The following SGCZ variants were observed in gnomAD, a reference collection of about 807,000 sequenced individuals.
SGCZ encodes sarcoglycan zeta.
A neutral mutation model predicts 41.3 loss-of-function variants in SGCZ; 40 were observed. The ratio of observed to expected loss-of-function variants is 0.97; its 90% CI spans 0.75 to 1.26. The LOEUF is 1.26. Among genes scored for constraint, SGCZ ranks in the 50% most tolerant of loss-of-function variants. The pLI, the probability that SGCZ is intolerant of heterozygous loss-of-function variation, is 0.00. For missense variants in SGCZ, 552 were observed against 369.8 expected (o/e 1.49, Z -4.04); for synonymous variants, 206 against 137.5 (o/e 1.50, Z -3.49).
At chr8:14,319,705 C>A (rs1003562032) in intron 3 of SGCZ, among the ~76,000 whole-genome samples, 4 of 151,930 alleles carry the variant, frequency 2.6e-5, no homozygotes, top group African/African-American at 7.2e-5. Context: ...GTTAAATTTG[C>A]AGAACTGAAT....
At chr8:14,714,982 C>T (rs761016206) in intron 1 of SGCZ, among the ~76,000 whole-genome samples, 2 of 152,002 alleles carry the variant, frequency 1.3e-5, no homozygotes, top group Non-Finnish European at 2.9e-5. Flanking sequence ...TTTTCAAATG[C>T]AGTGGTTTAG....
intron 1 of SGCZ, among the ~76,000 whole-genome samples, chr8:14,873,743 C>G (rs1055055545): frequency 6.6e-6 from 1 of 152,002 alleles, no homozygotes; most frequent in African/African-American, 2.4e-5. Flanking sequence ...TTTGGTTGAC[C>G]TATATTTGGA....
chr8:14,938,457 G>A (rs1250689666), intron 1 of SGCZ, among the ~76,000 whole-genome samples: 1 of 152,042 alleles, frequency 6.6e-6, no homozygotes, highest in African/African-American at 2.4e-5. Context: ...TCCACTCAAT[G>A]AATAGTAAAT....
intron 5 of SGCZ, among the ~76,000 whole-genome samples, chr8:14,145,225 C>A (rs1803485143): frequency 6.6e-6 from 1 of 152,080 alleles, no homozygotes; most frequent in Admixed American, 6.5e-5. Flanking sequence ...AGCTTCAGGA[C>A]AGAGAGAATC....
chr8:14,722,761 G>C (rs193125106), intron 1 of SGCZ, among the ~76,000 whole-genome samples: 113 of 152,208 alleles, frequency 7.4e-4, no homozygotes, highest in Admixed American at 1.4e-3. Flanking sequence ...AAACCTTCTA[G>C]GCAGAGGGAG....
chr8:15,218,682 AT>A (rs1801496247), intron 1 of SGCZ, among the ~76,000 whole-genome samples: 1 of 152,146 alleles, frequency 6.6e-6, no homozygotes, highest in Admixed American at 6.5e-5. Flanking sequence ...CAGCCCAATC[AT>A]GTTTCACTCA....
At chr8:15,062,582 G>C (rs1804977562) in intron 1 of SGCZ, among the ~76,000 whole-genome samples, 1 of 152,052 alleles carries the variant, frequency 6.6e-6, no homozygotes, top group Non-Finnish European at 1.5e-5. Flanking sequence ...GGGAAAATCA[G>C]CCCATCTGAA....
At chr8:14,333,754 C>G (rs931793649) in intron 2 of SGCZ, among the ~76,000 whole-genome samples, 3 of 152,018 alleles carry the variant, frequency 2.0e-5, no homozygotes, top group African/African-American at 7.2e-5. Flanking sequence ...CAGGGAAATA[C>G]TTTAAATACA....
intron 1 of SGCZ, among the ~76,000 whole-genome samples, chr8:14,568,922 G>T (rs144632252): frequency 3.3e-5 from 5 of 152,146 alleles, no homozygotes; most frequent in Admixed American, 6.6e-5. Flanking sequence ...GGGGCATGGT[G>T]GGAGGAAGTG....
rs149272742 is a variant in SGCZ, at chr8:14,733,170, G to C, written c.40-178244C>G. ...AAGGGCTCTGACACTTTGAGCCACT[G>C]CCCACCTTCCCTAACTGCCCCAGGG... On this transcript the variant is annotated intron_variant, in intron 1 of 7. Transcript: ENST00000382080. 4.2e-3 allele frequency among the ~76,000 whole-genome samples: 637 copies of C among 152,120 alleles called. 4 individuals carry two copies. The highest frequency in any genetic ancestry group is 0.012 in the African/African-American group (496 of 41,498).
chr8:14,426,615 G>C (rs1426242169), intron 2 of SGCZ, among the ~76,000 whole-genome samples: 2 of 152,058 alleles, frequency 1.3e-5, no homozygotes, highest in Admixed American at 6.6e-5. Context: ...TTTAATTTGG[G>C]AAAACTTCAA....
intron 1 of SGCZ, among the ~76,000 whole-genome samples, chr8:15,010,892 A>C (rs1404705673): frequency 5.3e-5 from 8 of 152,160 alleles, no homozygotes; most frequent in Non-Finnish European, 8.8e-5. Context: ...CTCCCTATAC[A>C]TTGTAATCCT....
At chr8:14,373,400 G>C (rs986061237) in intron 2 of SGCZ, among the ~76,000 whole-genome samples, 2 of 152,202 alleles carry the variant, frequency 1.3e-5, no homozygotes, top group Non-Finnish European at 2.9e-5. Flanking sequence ...ATATGGGCTA[G>C]TGATAATCAT....
chr8:15,131,110 ATTAAG>A (rs977868720), intron 1 of SGCZ, among the ~76,000 whole-genome samples: 5 of 152,202 alleles, frequency 3.3e-5, no homozygotes, highest in African/African-American at 1.2e-4. Flanking sequence ...AGAGTGACAC[ATTAAG>A]TTATTAACTA....
At chr8:14,330,478 T>C (rs533804746) in intron 2 of SGCZ, among the ~76,000 whole-genome samples, 16 of 152,250 alleles carry the variant, frequency 1.1e-4, no homozygotes, top group Non-Finnish European at 2.2e-4. Context: ...TAAGAAATAC[T>C]TATTGGAATT....
chr8:14,895,738 C>T (rs1487139535), intron 1 of SGCZ, among the ~76,000 whole-genome samples: 2 of 152,156 alleles, frequency 1.3e-5, no homozygotes, highest in Non-Finnish European at 1.5e-5. Flanking sequence ...TGATAAGTCT[C>T]GAAAAGCAAA....
chr8:14,347,038 G>T (rs1386677681), intron 2 of SGCZ, among the ~76,000 whole-genome samples: 1 of 151,978 alleles, frequency 6.6e-6, no homozygotes, highest in Non-Finnish European at 1.5e-5. Flanking sequence ...GAAAACTAAT[G>T]CATCTGTCCT....
At chr8:15,113,520 AT>A (rs1339322343) in intron 1 of SGCZ, among the ~76,000 whole-genome samples, 1 of 152,094 alleles carries the variant, frequency 6.6e-6, no homozygotes, top group Non-Finnish European at 1.5e-5. Flanking sequence ...ACCAAATGCA[AT>A]ACTCTCCTTT....
chr8:14,657,705 A>G (rs1330147026), intron 1 of SGCZ, among the ~76,000 whole-genome samples: 3 of 151,560 alleles, frequency 2.0e-5, no homozygotes, highest in African/African-American at 7.3e-5. Context: ...TCTGTTGTCA[A>G]CACATATTGT....
Sources: allele counts gnomAD v4.1 joint callset (sites outside exome capture counted in the v4.1 genomes callset), GRCh38; gene constraint gnomAD v4.1.1; transcripts MANE v1.5; gene names NCBI Gene and HGNC (gene_info 2026-07-23, HGNC 2026-07-21).